The following FXYD2 variants were observed in gnomAD, a reference collection of about 807,000 sequenced individuals.
FXYD2 encodes FXYD domain containing ion transport regulator 2.
A neutral mutation model predicts 11.8 loss-of-function variants in FXYD2; 8 were observed. The observed-to-expected ratio is 0.68, with a 90% CI of 0.40 to 1.22. The LOEUF is 1.22. Ranked by LOEUF, FXYD2 falls within the 50% of genes most tolerant of loss-of-function variation. The probability of loss-of-function intolerance (pLI) is 0.01; values close to 1 mark genes in which losing one functional copy is unlikely to be tolerated. For missense variants in FXYD2, 92 were observed against 91.8 expected (o/e 1.00, Z -0.01); for synonymous variants, 42 against 33.3 (o/e 1.26, Z -0.90).
intron 1 of FXYD2, among the ~76,000 whole-genome samples, chr11:117,823,564 C>T (rs1195028081): frequency 6.6e-6 from 1 of 152,228 alleles, no homozygotes; most frequent in African/African-American, 2.4e-5. Flanking sequence ...CTGGTGGCCT[C>T]CCCCGGATTT....
At chr11:117,820,561 G>T in intron 5 of FXYD2, 105 bp downstream of exon 5, 2 of 1,439,262 alleles carry the variant, frequency 1.4e-6, no homozygotes, top group South Asian at 2.4e-5. Context: ...ATGTGTGGAC[G>T]ACCCTAAAAT....
At position 117,822,861 on chromosome 11, in the gene FXYD2, T is replaced by C; in HGVS notation, c.26-144A>G. 1 of 1,156,106 alleles carries C rather than the reference T, an allele frequency of 8.6e-7. No homozygotes were observed. Among genetic ancestry groups the C allele is most frequent in the African/African-American group, 1.5e-5 (1 of 65,656 alleles). The allele number at this position is 1,156,106 out of a possible 1,614,324, so 71.6% of individuals were successfully genotyped here. A position where few individuals can be genotyped will look rare whatever the true frequency, so the allele number is the denominator to read the frequency against. Reference sequence around the variant, plus strand: ...GGGAGGCTGGGAGCAGGGGTGTTGCTAAAACCATTGCCAGCAGGCTTCTGC... The same window carrying C: ...GGGAGGCTGGGAGCAGGGGTGTTGCCAAAACCATTGCCAGCAGGCTTCTGC... On this transcript the variant is annotated intron_variant, in intron 1 of 5. Coordinates refer to ENST00000292079, the MANE Select transcript of FXYD2 (RefSeq NM_001680.5). This position sits in a 1 kb window ranked among gnomAD's most constrained non-coding sequence, Gnocchi z 4.7.
rs2063827438 is a variant in FXYD2 at position 117,824,362 on chromosome 11, A to G, written c.25+292T>C. The G allele has an allele frequency of 5.4e-6, 3 of 555,158 alleles. No homozygotes were observed. Among genetic ancestry groups the G allele is most frequent in the African/African-American group, 1.9e-5 (1 of 52,954 alleles). The allele number at this position is 555,158 out of a possible 1,614,324, so 34.4% of individuals were successfully genotyped here. On this transcript the variant is annotated intron_variant, in intron 1 of 5. Transcript: ENST00000292079. The surrounding 1 kb of genome is among the most constrained non-coding windows in gnomAD (Gnocchi z 4.0). ...AAGTTCAGACGGTCTAGCAAGATGC[A>G]TTGAACTCAGGGCGGGTGTGTGCCA... is the stretch of plus-strand genomic sequence containing the variant.
chr11:117,825,737 G>C (rs979079301), upstream of FXYD2, among the ~76,000 whole-genome samples: 1 of 152,152 alleles, frequency 6.6e-6, no homozygotes, highest in Non-Finnish European at 1.5e-5. Context: ...CAGGACTCCT[G>C]TGCCGGGTAG....
At position 117,822,817 on chromosome 11, in the gene FXYD2, G is replaced by A. The variant is rs1010006011; in HGVS notation, c.26-100C>T. The A allele has an allele frequency of 1.9e-5, 29 of 1,499,948 alleles. No individual in the cohort carries two copies. The Middle Eastern group carries it at 1.4e-3, about 74-fold the overall frequency. 92.9% of individuals were successfully genotyped at this position (1,499,948 alleles called of 1,614,324 possible). The stretch of plus-strand genomic sequence containing the variant: ...GTCCTTCCCTTCCCAGAGGACCCTC[G>A]AGGGTCCAAGCAGGCGAGGGGAGGC... On this transcript the variant is annotated intron_variant, in intron 1 of 5. Coordinates refer to ENST00000292079, the MANE Select transcript of FXYD2 (RefSeq NM_001680.5). This position sits in a 1 kb window ranked among gnomAD's most constrained non-coding sequence, Gnocchi z 4.7.
Position 117,822,643 on chromosome 11 carries a change from AG to A in FXYD2, c.64+35del. 1 of 1,604,064 alleles carries A rather than the reference AG, an allele frequency of 6.2e-7. No individual in the cohort carries two copies. Among genetic ancestry groups the A allele is most frequent in the Non-Finnish European group, 8.5e-7 (1 of 1,176,548 alleles). On this transcript the variant is annotated intron_variant, in intron 2 of 5. Coordinates refer to ENST00000292079, the MANE Select transcript of FXYD2 (RefSeq NM_001680.5). This position sits in a 1 kb window ranked among gnomAD's most constrained non-coding sequence, Gnocchi z 4.7. ...CCGCTGCTTGGTGGAAGGGGTCCTG[AG>A]GGCTCAGGAAGGGTGCGCAGGGGCC...
chr11:117,824,319 G>A lies in FXYD2; in HGVS notation c.25+335C>T. 2 of 451,580 alleles carry A rather than the reference G, an allele frequency of 4.4e-6. No individual in the cohort carries two copies. The highest frequency in any genetic ancestry group is 4.2e-5 in the East Asian group (1 of 23,928). The allele number at this position is 451,580 out of a possible 1,614,324, so 28.0% of individuals were successfully genotyped here. On this transcript the variant is annotated intron_variant, in intron 1 of 5. Transcript: ENST00000292079. This position sits in a 1 kb window ranked among gnomAD's most constrained non-coding sequence, Gnocchi z 4.0. ...CTGCTCCTTCCCCAGCCAGATGGAC[G>A]CCGTCTGCCTCCCGCCCAAGTTCAG...
chr11:117,822,659 G>A lies in FXYD2; in HGVS notation c.64+20C>T, dbSNP rs778952542. ...GGGGTCCTGAGGGCTCAGGAAGGGT[G>A]CGCAGGGGCCCAGGCTTACCATAGT... On this transcript the variant is annotated intron_variant, in intron 2 of 5. Transcript: ENST00000292079. This position sits in a 1 kb window ranked among gnomAD's most constrained non-coding sequence, Gnocchi z 4.7. 2 of 1,607,740 alleles carry A rather than the reference G, an allele frequency of 1.2e-6. No homozygotes were observed. The highest frequency in any genetic ancestry group is 2.2e-5 in the South Asian group (2 of 89,174).
rs1043769879 is a variant in FXYD2 at position 117,820,082 on chromosome 11, G to C, written c.*297C>G. 6.5e-6 allele frequency: 1 copy of C among 153,732 alleles called. No individual in the cohort carries two copies. The highest frequency in any genetic ancestry group is 2.0e-4 in the South Asian group (1 of 4,882). 9.5% of individuals were successfully genotyped at this position (153,732 alleles called of 1,614,324 possible). A position where few individuals can be genotyped will look rare whatever the true frequency, so the allele number is the denominator to read the frequency against. ...TTGAAAAAACAAATGAGACCCGGCT[G>C]TATTTGTACTTGAGCTTGGAGAGGC... On this transcript the variant is annotated 3_prime_UTR_variant, in exon 6 of 6. Coordinates refer to ENST00000292079, the MANE Select transcript of FXYD2 (RefSeq NM_001680.5).
upstream of FXYD2, among the ~76,000 whole-genome samples, chr11:117,825,235 C>T (rs979108502): frequency 9.2e-5 from 14 of 152,182 alleles, no homozygotes; most frequent in Admixed American, 8.5e-4. Context: ...TGGAGCACCG[C>T]CAAAGCTGAC....
chr11:117,824,765 C>A, upstream of FXYD2: 1 of 1,562,302 alleles, frequency 6.4e-7, no homozygotes, highest in Non-Finnish European at 8.7e-7. The surrounding 1 kb of genome is among the most constrained non-coding windows in gnomAD (Gnocchi z 4.0). Context: ...ACGGGGTGGC[C>A]GGGGACGAGG....
chr11:117,827,660 C>T (rs1565304281), upstream of FXYD2, among the ~76,000 whole-genome samples: 1 of 152,122 alleles, frequency 6.6e-6, no homozygotes, highest in Non-Finnish European at 1.5e-5. Context: ...AATAACTTGC[C>T]AGAGGTCAGA....
At chr11:117,827,451 G>A (rs2056069136), upstream of FXYD2, among the ~76,000 whole-genome samples, 1 of 152,182 alleles carries the variant, frequency 6.6e-6, no homozygotes, top group South Asian at 2.1e-4. Flanking sequence ...GTTTCACCAT[G>A]TTGGTCAGGC....
At chr11:117,827,711 C>T (rs1279147553), upstream of FXYD2, among the ~76,000 whole-genome samples, 1 of 152,206 alleles carries the variant, frequency 6.6e-6, no homozygotes, top group African/African-American at 2.4e-5. Context: ...AGCCAGCAGC[C>T]TGGCTTCTGA....
chr11:117,824,785 T>A, upstream of FXYD2: 1 of 1,405,472 alleles, frequency 7.1e-7, no homozygotes, highest in Non-Finnish European at 9.9e-7. This position sits in a 1 kb window ranked among gnomAD's most constrained non-coding sequence, Gnocchi z 4.0. Context: ...GTGCGGGCAT[T>A]AAACATTAAC....
Position 117,824,495 on chromosome 11 carries a change from T to G in FXYD2, c.25+159A>C. On this transcript the variant is annotated intron_variant, in intron 1 of 5. Transcript: ENST00000292079. The surrounding 1 kb of genome is among the most constrained non-coding windows in gnomAD (Gnocchi z 4.0). ...GCAGGGTCCTCCTTTAAGTTGCAAA[T>G]TTTCTTAGAGAGGAGGCCGACAGGA... 2.9e-6 allele frequency: 2 copies of G among 701,674 alleles called. No homozygotes were observed. Among genetic ancestry groups the G allele is most frequent in the Non-Finnish European group, 5.2e-6 (2 of 384,632 alleles). 43.5% of individuals were successfully genotyped at this position (701,674 alleles called of 1,614,324 possible).
chr11:117,822,268 T>C lies in FXYD2; in HGVS notation c.139+138A>G. On this transcript the variant is annotated intron_variant, in intron 3 of 5. Transcript: ENST00000292079. This position sits in a 1 kb window ranked among gnomAD's most constrained non-coding sequence, Gnocchi z 4.7. Reference sequence around the variant, plus strand: ...AGCCTGGCACCCCACCGGGCACCCATTCCCACATCCTGCAGTGGGGGGCGT... The same window carrying C: ...AGCCTGGCACCCCACCGGGCACCCACTCCCACATCCTGCAGTGGGGGGCGT... 2.6e-6 allele frequency: 4 copies of C among 1,533,152 alleles called. No homozygotes were observed. The highest frequency in any genetic ancestry group is 3.5e-6 in the Non-Finnish European group (4 of 1,140,052). The allele number at this position is 1,533,152 out of a possible 1,614,324, so 95.0% of individuals were successfully genotyped here.
In FXYD2 at chr11:117,822,470, G is replaced by A. The variant is rs145863486; in HGVS notation, c.75C>T (p.Thr25=). 1,333 of 1,561,578 alleles carry A rather than the reference G, an allele frequency of 8.5e-4. No homozygotes were observed. The highest frequency in any genetic ancestry group is 1.1e-3 in the Non-Finnish European group (1,255 of 1,152,022). The part of the protein sequence containing the change: ...DVDPFYYDYE[T]VRNGGLIFAG... Reference sequence around the variant, plus strand: ...CGAAGATCAGGCCCCCATTGCGAACGGTCTCATAGTCTCCGGAAAGAGAGG... The same window carrying A: ...CGAAGATCAGGCCCCCATTGCGAACAGTCTCATAGTCTCCGGAAAGAGAGG... The change falls in exon 3 of 6, where the codon ACC becomes ACT. Residue 25 remains threonine, a synonymous_variant. Coordinates refer to ENST00000292079, the MANE Select transcript of FXYD2 (RefSeq NM_001680.5). This position sits in a 1 kb window ranked among gnomAD's most constrained non-coding sequence, Gnocchi z 4.7.
upstream of FXYD2, among the ~76,000 whole-genome samples, chr11:117,827,075 G>A (rs564176882): frequency 7.9e-6 from 1 of 126,170 alleles, no homozygotes; most frequent in South Asian, 2.9e-4. Context: ...TGGATAGATA[G>A]ATAAATAGAG....
Sources: gnomAD v4.1 joint callset for allele counts (sites outside exome capture counted in the v4.1 genomes callset) on GRCh38, gnomAD v4.1.1 for gene constraint, Gnocchi (gnomAD v3.1) non-coding constraint, MANE v1.5 for transcripts, NCBI Gene and HGNC (gene_info 2026-07-23, HGNC 2026-07-21) for gene names.